EYA4: variants seen among roughly 807,000 people sequenced by gnomAD.
The protein encoded by EYA4 is EYA transcriptional coactivator and phosphatase 4, also known as protein phosphatase EYA4.
A neutral mutation model predicts 87.9 loss-of-function variants in EYA4; 31 were observed. That is an observed-to-expected ratio of 0.35 (90% confidence interval 0.27 to 0.48). The LOEUF (loss-of-function observed/expected upper bound fraction) is 0.48, where lower values mean the gene tolerates loss of function less well. EYA4 is among the 20% of genes least tolerant of loss of function. The pLI is 0.99. For missense variants in EYA4, 678 were observed against 761.4 expected, an observed-to-expected ratio of 0.89 and a Z score of 1.29; for synonymous variants, 263 against 270.6, an observed-to-expected ratio of 0.97 and a Z score of 0.28.
intron 6 of EYA4, among the ~76,000 whole-genome samples, chr6:133,457,412 T>G (rs1794003442): frequency 6.6e-6 from 1 of 152,268 alleles, no homozygotes; most frequent in Admixed American, 6.5e-5. Context: ...AGGAAAGTAT[T>G]TGTGGTAATT....
chr6:133,437,212 A>G (rs928846987), intron 3 of EYA4, among the ~76,000 whole-genome samples: 10 of 152,216 alleles, frequency 6.6e-5, no homozygotes, highest in African/African-American at 2.2e-4. Flanking sequence ...ACCTTTAAAT[A>G]TTATGAGCAG....
intron 1 of EYA4, among the ~76,000 whole-genome samples, chr6:133,270,962 CGTT>C (rs1776640321): frequency 6.6e-6 from 1 of 152,218 alleles, no homozygotes; most frequent in Admixed American, 6.5e-5. Flanking sequence ...TTAATGGAAT[CGTT>C]GTTGTCTCTC....
At chr6:133,361,630 G>C (rs1562330184) in intron 2 of EYA4, among the ~76,000 whole-genome samples, 2 of 152,166 alleles carry the variant, frequency 1.3e-5, no homozygotes, top group South Asian at 4.1e-4. Flanking sequence ...ATGGGGTCCT[G>C]ATAGAGACAT....
chr6:133,434,392 G>C (rs1390272223), intron 3 of EYA4, among the ~76,000 whole-genome samples: 1 of 152,290 alleles, frequency 6.6e-6, no homozygotes, highest in Non-Finnish European at 1.5e-5. Context: ...GACAAACCAG[G>C]CTGTTTTATT....
intron 5 of EYA4, chr6:133,453,133 A>C (rs1305951384): frequency 6.6e-6 from 1 of 152,104 alleles, no homozygotes; most frequent in East Asian, 1.9e-4. Context: ...GTCAAGGAAT[A>C]GGCACTGATA....
At chr6:133,505,991 G>A in intron 13 of EYA4, 115 bp from the exon 14 acceptor site, 1 of 731,546 alleles carries the variant, frequency 1.4e-6, no homozygotes. Flanking sequence ...TGAATCTTCA[G>A]TAAAAACCCA....
chr6:133,526,893 T>C (rs1049267760), intron 19 of EYA4, among the ~76,000 whole-genome samples: 1 of 152,212 alleles, frequency 6.6e-6, no homozygotes, highest in Non-Finnish European at 1.5e-5. Context: ...CCTATGCAAA[T>C]TAAATTCACG....
chr6:133,377,151 T>C (rs1166274446), intron 2 of EYA4, among the ~76,000 whole-genome samples: 1 of 152,046 alleles, frequency 6.6e-6, no homozygotes, highest in Non-Finnish European at 1.5e-5. Context: ...TGCTGTTCAG[T>C]AGAAAAATGA....
chr6:133,487,660 A>G (rs986107292), intron 13 of EYA4, among the ~76,000 whole-genome samples: 2 of 152,044 alleles, frequency 1.3e-5, no homozygotes, highest in African/African-American at 4.8e-5. Flanking sequence ...GAAGGATCCA[A>G]TCTTGGCAAG....
intron 3 of EYA4, among the ~76,000 whole-genome samples, chr6:133,404,082 A>G (rs172458): frequency 0.72 from 109,409 of 152,072 alleles, 42,088 homozygotes; most frequent in East Asian, 0.91. Context: ...CCAAAGTGCT[A>G]AGATTACAGG....
chr6:133,292,158 G>C (rs1486133668), intron 2 of EYA4, among the ~76,000 whole-genome samples: 2 of 152,168 alleles, frequency 1.3e-5, no homozygotes, highest in Non-Finnish European at 2.9e-5. Context: ...GGAACTTACT[G>C]TAATAGCATC....
chr6:133,299,080 G>T (rs1178910445), intron 2 of EYA4, among the ~76,000 whole-genome samples: 1 of 152,144 alleles, frequency 6.6e-6, no homozygotes, highest in African/African-American at 2.4e-5. Context: ...TACCACAAGC[G>T]ACTTGGGGGA....
chr6:133,276,719 C>A (rs371677466), intron 2 of EYA4, among the ~76,000 whole-genome samples: 4 of 152,230 alleles, frequency 2.6e-5, no homozygotes, highest in Admixed American at 1.3e-4. Context: ...ATGTATTCAT[C>A]TCATAAATGT....
intron 2 of EYA4, among the ~76,000 whole-genome samples, chr6:133,312,789 C>T (rs915591168): frequency 1.3e-5 from 2 of 152,140 alleles, no homozygotes; most frequent in Admixed American, 6.6e-5. Flanking sequence ...TTTTCTGCTT[C>T]TAAGAAATTT....
chr6:133,315,614 C>T (rs1780564720), intron 2 of EYA4, among the ~76,000 whole-genome samples: 3 of 151,972 alleles, frequency 2.0e-5, no homozygotes, highest in African/African-American at 4.8e-5. Flanking sequence ...GATACTGAAG[C>T]AATGTTGGGA....
chr6:133,462,521 A>G, intron 8 of EYA4, 44 bp downstream of exon 8: 1 of 1,613,150 alleles, frequency 6.2e-7, no homozygotes, highest in Non-Finnish European at 8.5e-7. Flanking sequence ...TAGGCAGGTA[A>G]TCCTGCTGGC....
chr6:133,456,122 A>T (rs544923836), intron 5 of EYA4, among the ~76,000 whole-genome samples: 48 of 152,248 alleles, frequency 3.2e-4, no homozygotes, highest in African/African-American at 1.1e-3. Context: ...CTATACTTTT[A>T]TATGTCTCCA....
intron 2 of EYA4, chr6:133,325,461 G>C (rs1212829544): frequency 6.6e-6 from 1 of 152,164 alleles, no homozygotes; most frequent in African/African-American, 2.4e-5. Flanking sequence ...CATAGGGAGA[G>C]AGAACTGAAA....
At position 133,461,183 on chromosome 6, in the gene EYA4, A is replaced by G. The variant is rs778942584; in HGVS notation, c.437+3A>G. ...TCCCCACAGCTGTATCCTTCCAAGTAAGTGGTCAGTAGATTCTTGCTTTAA... is the reference window on the plus strand; with the variant it reads ...TCCCCACAGCTGTATCCTTCCAAGTGAGTGGTCAGTAGATTCTTGCTTTAA... On this transcript the variant is annotated splice_donor_region_variant and intron_variant, in intron 7 of 19. Transcript: ENST00000355286. The G allele has an allele frequency of 3.1e-6, 5 of 1,607,618 alleles. No homozygotes were observed. Among genetic ancestry groups the G allele is most frequent in the Non-Finnish European group, 4.3e-6 (5 of 1,174,302 alleles).
Sources: allele counts gnomAD v4.1 joint callset (sites outside exome capture counted in the v4.1 genomes callset), GRCh38; gene constraint gnomAD v4.1.1; transcripts MANE v1.5; gene names NCBI Gene and HGNC (gene_info 2026-07-23, HGNC 2026-07-21).